The following FCHSD2 variants were observed in gnomAD, a reference collection of about 807,000 sequenced individuals.
FCHSD2 encodes the protein F-BAR and double SH3 domains protein 2.
A neutral mutation model predicts 108.1 loss-of-function variants in FCHSD2; 38 were observed. That is an observed-to-expected ratio of 0.35 (90% CI 0.27 to 0.46). FCHSD2 has a LOEUF of 0.46. FCHSD2 is among the 20% of genes least tolerant of loss of function. The probability of loss-of-function intolerance (pLI) is 1.00; values close to 1 mark genes in which losing one functional copy is unlikely to be tolerated. For synonymous variants in FCHSD2, 279 were observed against 314.7 expected (o/e 0.89, Z 1.20); for missense variants, 751 against 897.8 (o/e 0.84, Z 2.09).
At chr11:72,939,383 T>C (rs193262030) in intron 8 of FCHSD2, among the ~76,000 whole-genome samples, 6 of 152,184 alleles carry the variant, frequency 3.9e-5, no homozygotes, top group Non-Finnish European at 7.4e-5. Context: ...TAAGGAATGG[T>C]TTTTAAATTA....
chr11:73,123,020 A>G (rs1860770007), intron 2 of FCHSD2, among the ~76,000 whole-genome samples: 1 of 152,226 alleles, frequency 6.6e-6, no homozygotes, highest in African/African-American at 2.4e-5. Context: ...GTCCCATCAA[A>G]AAAAACCACA....
intron 11 of FCHSD2, among the ~76,000 whole-genome samples, chr11:72,889,249 C>T (rs555533636): frequency 5.8e-4 from 88 of 152,222 alleles, no homozygotes; most frequent in Non-Finnish European, 1.1e-3. Context: ...GCGTGAGCCA[C>T]CGCGCCCGGC....
chr11:72,890,318 A>G (rs891978638), intron 10 of FCHSD2, among the ~76,000 whole-genome samples: 4 of 152,356 alleles, frequency 2.6e-5, no homozygotes, highest in African/African-American at 7.2e-5. Context: ...TGCATAAATA[A>G]AAATGGAAAC....
At chr11:73,037,082 T>C (rs1330097844) in intron 3 of FCHSD2, among the ~76,000 whole-genome samples, 2 of 152,240 alleles carry the variant, frequency 1.3e-5, no homozygotes, top group Non-Finnish European at 1.5e-5. Context: ...AATTCTATTA[T>C]ATTCTTCTCT....
intron 2 of FCHSD2, among the ~76,000 whole-genome samples, chr11:73,091,202 G>A (rs1859948546): frequency 6.6e-6 from 1 of 152,018 alleles, no homozygotes; most frequent in African/African-American, 2.4e-5. Flanking sequence ...TGAGTATTAT[G>A]GATAATGCTG....
chr11:73,130,162 C>T (rs1426029732), intron 2 of FCHSD2, among the ~76,000 whole-genome samples: 2 of 152,120 alleles, frequency 1.3e-5, no homozygotes, highest in Non-Finnish European at 2.9e-5. Flanking sequence ...GTGTGAGCCA[C>T]CGCGCCTGGC....
intron 4 of FCHSD2, among the ~76,000 whole-genome samples, chr11:73,007,497 T>C (rs1460963678): frequency 6.6e-6 from 1 of 151,928 alleles, no homozygotes; most frequent in Non-Finnish European, 1.5e-5. Flanking sequence ...GTGGTAGTGG[T>C]GGCTATGCAG....
At chr11:73,107,151 T>C (rs933439131) in intron 2 of FCHSD2, among the ~76,000 whole-genome samples, 1 of 152,142 alleles carries the variant, frequency 6.6e-6, no homozygotes, top group African/African-American at 2.4e-5. Flanking sequence ...TTCTCAAGAC[T>C]CTCCGCAATT....
chr11:72,944,661 A>T (rs527281722), intron 8 of FCHSD2, among the ~76,000 whole-genome samples: 4 of 152,202 alleles, frequency 2.6e-5, no homozygotes, highest in Admixed American at 2.6e-4. Flanking sequence ...CCATTGTCTC[A>T]GCTCAAAATC....
chr11:73,046,760 T>C lies in FCHSD2; in HGVS notation c.166-30875A>G, dbSNP rs1352290970. Among the ~76,000 whole-genome samples, 8 of 152,286 alleles carry C rather than the reference T, an allele frequency of 5.3e-5. No individual in the cohort carries two copies. In the South Asian group the frequency reaches 8.3e-4, roughly 16 times the overall value. ...GTGTATTTGTTTGTTTATTGATTGA[T>C]TGATTAAGACAGGGATTTCACCATG... is the stretch of plus-strand genomic sequence containing the variant. On this transcript the variant is annotated intron_variant, in intron 3 of 19. Coordinates refer to ENST00000409418, the MANE Select transcript of FCHSD2 (RefSeq NM_014824.3).
rs188452241 is a variant in FCHSD2 at position 72,907,348 on chromosome 11, T to C, written c.829-4710A>G. Among the ~76,000 whole-genome samples the C allele has an allele frequency of 1.4e-3, 216 of 152,318 alleles. 3 individuals carry two copies. Among genetic ancestry groups the C allele is most frequent in the Admixed American group, 0.013 (201 of 15,296 alleles). ...ATTTCTTTCTCTTGCCTGATTGCCT[T>C]AGCCAGAACTTCCAATACTATGTTG... On this transcript the variant is annotated intron_variant, in intron 9 of 19. Transcript: ENST00000409418.
At chr11:72,902,894 A>G (rs1009076891) in intron 9 of FCHSD2, among the ~76,000 whole-genome samples, 7 of 152,208 alleles carry the variant, frequency 4.6e-5, no homozygotes, top group African/African-American at 1.7e-4. Flanking sequence ...TGGACAATAT[A>G]TAATACCTTA....
At chr11:73,073,864 T>C (rs6592509) in intron 3 of FCHSD2, among the ~76,000 whole-genome samples, 114,244 of 151,956 alleles carry the variant, frequency 0.75, 43,358 homozygotes, top group South Asian at 0.87. Flanking sequence ...ATTGCTGTAA[T>C]CACAGTACCT....
At chr11:73,133,808 A>C (rs1861059212) in intron 2 of FCHSD2, among the ~76,000 whole-genome samples, 1 of 151,150 alleles carries the variant, frequency 6.6e-6, no homozygotes, top group Admixed American at 6.6e-5. Flanking sequence ...AAAAAAAAAA[A>C]AAAAAAAGTA....
At chr11:72,846,051 AATAGATAGATAG>A in intron 14 of FCHSD2, among the ~76,000 whole-genome samples, 1 of 111,926 alleles carries the variant, frequency 8.9e-6, no homozygotes, top group East Asian at 2.4e-4. Flanking sequence ...ATTACAAATA[AATAGATAGATAG>A]ATAGATAGAT....
intron 19 of FCHSD2, among the ~76,000 whole-genome samples, chr11:72,840,371 G>A (rs1860880759): frequency 1.3e-5 from 2 of 152,236 alleles, no homozygotes; most frequent in South Asian, 2.1e-4. Flanking sequence ...CTGGATTACC[G>A]TGCAAGTTAT....
chr11:72,906,683 C>T (rs188263941), intron 9 of FCHSD2, among the ~76,000 whole-genome samples: 2 of 152,236 alleles, frequency 1.3e-5, no homozygotes, highest in Admixed American at 1.3e-4. Context: ...TAAACTGAAT[C>T]CTTTCCCCAT....
chr11:73,033,240 A>C (rs1858407402), intron 3 of FCHSD2, among the ~76,000 whole-genome samples: 1 of 151,356 alleles, frequency 6.6e-6, no homozygotes, highest in Non-Finnish European at 1.5e-5. Flanking sequence ...GTGAGCTGAG[A>C]TCGCGCCACT....
chr11:72,848,238 C>T (rs1007169791), intron 14 of FCHSD2, among the ~76,000 whole-genome samples: 11 of 152,204 alleles, frequency 7.2e-5, no homozygotes, highest in Admixed American at 2.0e-4. Context: ...AGGCCCTTTA[C>T]TATCTGACAA....
Sources: allele counts gnomAD v4.1 joint callset (sites outside exome capture counted in the v4.1 genomes callset), GRCh38; gene constraint gnomAD v4.1.1; transcripts MANE v1.5; gene names NCBI Gene and HGNC (gene_info 2026-07-23, HGNC 2026-07-21).